EYA1: variants seen among roughly 807,000 people sequenced by gnomAD.
The protein encoded by EYA1 is EYA transcriptional coactivator and phosphatase 1.
In EYA1, 16 loss-of-function variants were observed where a neutral mutation model predicts 82.0. The ratio of observed to expected loss-of-function variants is 0.20; its 90% confidence interval spans 0.13 to 0.30. EYA1 has a LOEUF of 0.30. Among genes scored for constraint, EYA1 ranks in the 10% least tolerant of loss-of-function variants. The pLI, the probability that EYA1 is intolerant of heterozygous loss-of-function variation, is 1.00. For synonymous variants in EYA1, 261 were observed against 264.4 expected (o/e 0.99, Z 0.12); for missense variants, 633 against 730.7 (o/e 0.87, Z 1.54).
chr8:71,288,215 G>A (rs1201724383), intron 9 of EYA1, among the ~76,000 whole-genome samples: 4 of 152,176 alleles, frequency 2.6e-5, no homozygotes, highest in Non-Finnish European at 5.9e-5. Context: ...AATGAGTACT[G>A]TCATATCAAA....
At chr8:71,416,555 A>T (rs1206406413) in intron 2 of EYA1, among the ~76,000 whole-genome samples, 2 of 152,218 alleles carry the variant, frequency 1.3e-5, no homozygotes, top group Non-Finnish European at 2.9e-5. Context: ...CCTAATTTAT[A>T]AACCCCTGAA....
At chr8:71,522,472 T>C (rs1384571850) in intron 2 of EYA1, among the ~76,000 whole-genome samples, 1 of 152,230 alleles carries the variant, frequency 6.6e-6, no homozygotes, top group Non-Finnish European at 1.5e-5. Flanking sequence ...TAATAGGCAC[T>C]GGACATCTCC....
At chr8:71,446,306 T>C (rs1806872796) in intron 2 of EYA1, among the ~76,000 whole-genome samples, 1 of 152,060 alleles carries the variant, frequency 6.6e-6, no homozygotes, top group Admixed American at 6.5e-5. Context: ...GTTCTCATGA[T>C]AGTGAGTGAG....
At chr8:71,492,649 T>G (rs1243335346) in intron 2 of EYA1, among the ~76,000 whole-genome samples, 1 of 152,032 alleles carries the variant, frequency 6.6e-6, no homozygotes, top group Non-Finnish European at 1.5e-5. Context: ...GTATTTTTAG[T>G]AGAGATGGGG....
At chr8:71,502,387 A>G (rs1189410486) in intron 2 of EYA1, among the ~76,000 whole-genome samples, 1 of 152,204 alleles carries the variant, frequency 6.6e-6, no homozygotes, top group Non-Finnish European at 1.5e-5. Context: ...TTTACCACCA[A>G]TACTGGCAGA....
chr8:71,492,207 G>A (rs1811053879), intron 2 of EYA1, among the ~76,000 whole-genome samples: 1 of 152,226 alleles, frequency 6.6e-6, no homozygotes, highest in Non-Finnish European at 1.5e-5. Flanking sequence ...CCTGGCACAG[G>A]ACAGCAGATT....
chr8:71,497,011 C>T (rs1811464602), intron 2 of EYA1, among the ~76,000 whole-genome samples: 3 of 151,530 alleles, frequency 2.0e-5, no homozygotes, highest in Admixed American at 2.0e-4. Context: ...AGATTACATA[C>T]ATCAAACCAA....
chr8:71,345,742 C>A (rs1025290063), intron 3 of EYA1, among the ~76,000 whole-genome samples: 1 of 152,150 alleles, frequency 6.6e-6, no homozygotes, highest in Non-Finnish European at 1.5e-5. Context: ...AAAATGCCTT[C>A]ATTTCTTCTC....
At chr8:71,229,288 C>T (rs1314247753) in intron 12 of EYA1, among the ~76,000 whole-genome samples, 1 of 152,100 alleles carries the variant, frequency 6.6e-6, no homozygotes, top group Non-Finnish European at 1.5e-5. Flanking sequence ...GACATACTCT[C>T]TGCAACCCAC....
intron 12 of EYA1, among the ~76,000 whole-genome samples, chr8:71,231,950 C>T (rs1811249831): frequency 1.3e-5 from 2 of 152,192 alleles, no homozygotes; most frequent in Admixed American, 6.5e-5. Context: ...TATTAGGCCC[C>T]GCTCCATAGC....
chr8:71,371,261 C>A (rs947221279), intron 2 of EYA1, among the ~76,000 whole-genome samples: 1 of 152,194 alleles, frequency 6.6e-6, no homozygotes, highest in Non-Finnish European at 1.5e-5. Flanking sequence ...GAAGCATGCA[C>A]CATTTTGATA....
intron 2 of EYA1, among the ~76,000 whole-genome samples, chr8:71,399,137 G>T (rs1356097992): frequency 6.6e-6 from 1 of 152,210 alleles, no homozygotes; most frequent in Non-Finnish European, 1.5e-5. Context: ...TGCTAAGGCA[G>T]TTGGAAAACC....
chr8:71,503,155 A>G (rs577601694), intron 2 of EYA1, among the ~76,000 whole-genome samples: 4 of 152,242 alleles, frequency 2.6e-5, no homozygotes, highest in Admixed American at 6.5e-5. Flanking sequence ...TACTTAATAA[A>G]GCTCTAAAAA....
intron 9 of EYA1, among the ~76,000 whole-genome samples, chr8:71,273,843 G>A (rs934081129): frequency 6.6e-6 from 1 of 152,238 alleles, no homozygotes; most frequent in African/African-American, 2.4e-5. Context: ...AGCAATGTAA[G>A]TTAGCATGTT....
At chr8:71,535,469 T>A (rs143148877) in intron 2 of EYA1, among the ~76,000 whole-genome samples, 3 of 152,240 alleles carry the variant, frequency 2.0e-5, no homozygotes, top group Non-Finnish European at 1.5e-5. Flanking sequence ...CTAAAAATTA[T>A]CTTATGCATA....
intron 2 of EYA1, among the ~76,000 whole-genome samples, chr8:71,425,919 G>A (rs1041505941): frequency 1.3e-5 from 2 of 152,190 alleles, no homozygotes; most frequent in South Asian, 2.1e-4. Flanking sequence ...TCTCCACTCC[G>A]GATGTCAGAG....
chr8:71,502,684 C>G (rs969527567), intron 2 of EYA1, among the ~76,000 whole-genome samples: 1 of 152,132 alleles, frequency 6.6e-6, no homozygotes, highest in South Asian at 2.1e-4. Flanking sequence ...GAACTTATCA[C>G]GCTACAGATA....
chr8:71,325,747 A>G (rs749347741), intron 4 of EYA1, among the ~76,000 whole-genome samples: 27 of 152,216 alleles, frequency 1.8e-4, no homozygotes, highest in Non-Finnish European at 3.4e-4. Flanking sequence ...GCTTAAAATT[A>G]CTGAATGTGT....
chr8:71,326,375 T>C (rs1823145346), intron 4 of EYA1, among the ~76,000 whole-genome samples: 1 of 152,132 alleles, frequency 6.6e-6, no homozygotes, highest in South Asian at 2.1e-4. Context: ...CAGTCTGTTT[T>C]CCCAACAAAA....
Sources: allele counts gnomAD v4.1 joint callset (sites outside exome capture counted in the v4.1 genomes callset), GRCh38; gene constraint gnomAD v4.1.1; transcripts MANE v1.5; gene names NCBI Gene and HGNC (gene_info 2026-07-23, HGNC 2026-07-21).